Variants in RIN2 observed in about 807,000 individuals in gnomAD.
RIN2 encodes the protein RAB5 interacting protein 2.
Under a neutral mutation model 78.0 loss-of-function variants are expected in RIN2, and 36 were observed. The observed-to-expected ratio is 0.46, with a 90% CI of 0.35 to 0.61. The LOEUF (loss-of-function observed/expected upper bound fraction) is 0.61. RIN2 is among the 20% of genes least tolerant of loss of function. RIN2 has a pLI of 0.00. For synonymous variants in RIN2, 466 were observed against 466.8 expected (o/e 1.00, Z 0.02); for missense variants, 1,087 against 1,159.7 (o/e 0.94, Z 0.91).
chr20:19,905,038 T>C (rs75204987), intron 3 of RIN2, among the ~76,000 whole-genome samples: 2,521 of 152,254 alleles, frequency 0.017, 72 homozygotes, highest in African/African-American at 0.057. Flanking sequence ...TTCCTCTATC[T>C]CTCCCAAGCT....
intron 2 of RIN2, among the ~76,000 whole-genome samples, chr20:19,854,376 T>C (rs1224641694): frequency 1.3e-5 from 2 of 152,248 alleles, no homozygotes; most frequent in African/African-American, 2.4e-5. Flanking sequence ...CTTTTTTGGT[T>C]CCATATGAAC....
At chr20:19,984,768 A>G (rs1024713425) in intron 9 of RIN2, among the ~76,000 whole-genome samples, 3 of 152,198 alleles carry the variant, frequency 2.0e-5, no homozygotes, top group Admixed American at 6.5e-5. Context: ...CTCTGTCTCA[A>G]AAAAATAAAT....
intron 2 of RIN2, among the ~76,000 whole-genome samples, chr20:19,867,871 A>G (rs935821952): frequency 6.6e-6 from 1 of 152,234 alleles, no homozygotes; most frequent in Non-Finnish European, 1.5e-5. Context: ...TGATGGCCCC[A>G]AAGCTGCTCT....
At chr20:19,763,721 G>C (rs1391728462) in intron 1 of RIN2, among the ~76,000 whole-genome samples, 1 of 152,142 alleles carries the variant, frequency 6.6e-6, no homozygotes, top group Non-Finnish European at 1.5e-5. Context: ...AAAAAGCTTT[G>C]GTTGTAAGAA....
In RIN2 at chr20:19,885,944, TAAGAG is replaced by T. The variant is rs113632006; in HGVS notation, c.-36-3616_-36-3612del. On this transcript the variant is annotated intron_variant, in intron 2 of 12. Transcript: ENST00000255006. ...GAAGGTTACGTTGGACTAAAGAAAT[TAAGAG>T]AAGAGGAGAGGAGCGGAGGGGATGG... is the stretch of plus-strand genomic sequence containing the variant. Among the ~76,000 whole-genome samples the T allele has an allele frequency of 7.0e-3, 962 of 136,650 alleles. 5 individuals carry two copies. The highest frequency in any genetic ancestry group is 0.023 in the African/African-American group (818 of 35,934). 89.6% of individuals were successfully genotyped at this position (136,650 alleles called of 152,430 possible).
chr20:19,904,375 T>C (rs1031975567), intron 3 of RIN2, among the ~76,000 whole-genome samples: 3 of 151,756 alleles, frequency 2.0e-5, no homozygotes, highest in African/African-American at 7.3e-5. Flanking sequence ...CCTACAATGG[T>C]GAGGCCAGCC....
intron 2 of RIN2, among the ~76,000 whole-genome samples, chr20:19,810,498 A>C: frequency 6.6e-6 from 1 of 152,018 alleles, no homozygotes; most frequent in East Asian, 1.9e-4. Context: ...TTGGGTCCAG[A>C]GCACCTACCG....
chr20:19,958,206 G>A (rs1049478300), intron 5 of RIN2, among the ~76,000 whole-genome samples: 4 of 152,212 alleles, frequency 2.6e-5, no homozygotes, highest in African/African-American at 7.2e-5. Context: ...AACAAGGCAC[G>A]GTGCTTTCTC....
chr20:19,785,592 C>T (rs967802046), intron 1 of RIN2, among the ~76,000 whole-genome samples: 1 of 152,180 alleles, frequency 6.6e-6, no homozygotes, highest in African/African-American at 2.4e-5. Context: ...CAGCCCAAGG[C>T]AAGCATTTCT....
chr20:19,823,299 G>A (rs1266823465), intron 2 of RIN2: 3 of 584,208 alleles, frequency 5.1e-6, no homozygotes, highest in East Asian at 2.8e-5. Context: ...GGAATCTGGG[G>A]ACTGAATGAA....
At chr20:19,962,939 A>T (rs928234684) in intron 6 of RIN2, among the ~76,000 whole-genome samples, 1 of 152,246 alleles carries the variant, frequency 6.6e-6, no homozygotes, top group African/African-American at 2.4e-5. Flanking sequence ...AGCCTGGGCG[A>T]CAGAGTGAGA....
chr20:19,913,044 T>A (rs1428590556), intron 3 of RIN2, among the ~76,000 whole-genome samples: 1 of 152,206 alleles, frequency 6.6e-6, no homozygotes, highest in African/African-American at 2.4e-5. Flanking sequence ...CTGATTACTG[T>A]CATTTTCTTG....
chr20:19,994,910 A>T (rs964335282), intron 11 of RIN2, among the ~76,000 whole-genome samples: 1 of 152,212 alleles, frequency 6.6e-6, no homozygotes, highest in Non-Finnish European at 1.5e-5. Context: ...ATACACAAAA[A>T]GCTTGACATG....
At chr20:19,900,027 G>A (rs1194855630) in intron 3 of RIN2, among the ~76,000 whole-genome samples, 1 of 152,222 alleles carries the variant, frequency 6.6e-6, no homozygotes, top group Non-Finnish European at 1.5e-5. Context: ...GGGATTGGTG[G>A]AGACTGTAAC....
chr20:19,954,911 G>C (rs896344117), intron 4 of RIN2, among the ~76,000 whole-genome samples: 3 of 152,156 alleles, frequency 2.0e-5, no homozygotes, highest in Non-Finnish European at 4.4e-5. Flanking sequence ...GACAGAACCA[G>C]TATTGGCACC....
At chr20:19,814,285 G>A (rs6136843) in intron 2 of RIN2, among the ~76,000 whole-genome samples, 8 of 152,126 alleles carry the variant, frequency 5.3e-5, no homozygotes, top group Non-Finnish European at 1.0e-4. Flanking sequence ...CAATCCAGCC[G>A]CTTGCCTGGG....
chr20:19,791,856 C>T (rs572582315), intron 1 of RIN2, among the ~76,000 whole-genome samples: 1 of 152,322 alleles, frequency 6.6e-6, no homozygotes, highest in East Asian at 1.9e-4. Context: ...ATCGTGTCCA[C>T]TTCAGGCAAC....
intron 1 of RIN2, among the ~76,000 whole-genome samples, chr20:19,796,496 C>T (rs1347973864): frequency 6.6e-6 from 1 of 152,066 alleles, no homozygotes; most frequent in Non-Finnish European, 1.5e-5. Context: ...TTGGTAGTAA[C>T]AGTTAAGTAT....
intron 1 of RIN2, among the ~76,000 whole-genome samples, chr20:19,778,501 T>G (rs1487761547): frequency 2.0e-5 from 3 of 152,182 alleles, no homozygotes; most frequent in Non-Finnish European, 4.4e-5. Flanking sequence ...GGCAAACAAA[T>G]GCTCTGAGAA....
Sources: gnomAD v4.1 joint callset for allele counts (sites outside exome capture counted in the v4.1 genomes callset) on GRCh38, gnomAD v4.1.1 for gene constraint, MANE v1.5 for transcripts, NCBI Gene and HGNC (gene_info 2026-07-23, HGNC 2026-07-21) for gene names.